Variants in SPOCK3 observed in about 807,000 individuals in gnomAD.
SPOCK3 encodes the protein SPARC (osteonectin), cwcv and kazal like domains proteoglycan 3.
A neutral mutation model predicts 56.6 loss-of-function variants in SPOCK3; 30 were observed. The ratio of observed to expected loss-of-function variants is 0.53; its 90% confidence interval spans 0.40 to 0.72. The LOEUF (loss-of-function observed/expected upper bound fraction) is 0.72, where lower values mean the gene tolerates loss of function less well. Among genes scored for constraint, SPOCK3 ranks in the 30% least tolerant of loss-of-function variants. The probability of loss-of-function intolerance (pLI) is 0.00; values close to 1 mark genes in which losing one functional copy is unlikely to be tolerated. For missense variants in SPOCK3, 527 were observed against 530.0 expected (o/e 0.99, Z 0.06); for synonymous variants, 196 against 183.3 (o/e 1.07, Z -0.56).
At chr4:167,216,558 G>A (rs184359129) in intron 2 of SPOCK3, among the ~76,000 whole-genome samples, 5 of 152,008 alleles carry the variant, frequency 3.3e-5, no homozygotes, top group African/African-American at 4.8e-5. Context: ...ATATGCAAGC[G>A]ATTTGATTGG....
chr4:167,061,953 T>C (rs1755653392), intron 3 of SPOCK3, among the ~76,000 whole-genome samples: 1 of 151,902 alleles, frequency 6.6e-6, no homozygotes. Flanking sequence ...TCCCTATTTC[T>C]TGTTTTCCTT....
intron 6 of SPOCK3, among the ~76,000 whole-genome samples, chr4:166,857,291 C>T (rs1224372742): frequency 6.6e-6 from 1 of 152,180 alleles, no homozygotes; most frequent in Non-Finnish European, 1.5e-5. Flanking sequence ...TATCACCGCC[C>T]AAGGCTCAGA....
intron 3 of SPOCK3, among the ~76,000 whole-genome samples, chr4:167,016,435 G>T (rs968318638): frequency 1.2e-4 from 18 of 151,902 alleles, no homozygotes; most frequent in African/African-American, 4.4e-4. Context: ...GTAAATTTCC[G>T]TTGCACAATT....
At chr4:166,888,537 T>C (rs910735965) in intron 6 of SPOCK3, among the ~76,000 whole-genome samples, 1 of 152,038 alleles carries the variant, frequency 6.6e-6, no homozygotes, top group Non-Finnish European at 1.5e-5. Flanking sequence ...ATAAATAATC[T>C]TAAGTCAAGT....
intron 4 of SPOCK3, among the ~76,000 whole-genome samples, chr4:166,921,439 CT>C (rs1738472356): frequency 6.6e-6 from 1 of 152,016 alleles, no homozygotes; most frequent in South Asian, 2.1e-4. Context: ...TTGCCTCAGC[CT>C]GCTGTAGCTG....
At chr4:167,041,641 C>A (rs572051597) in intron 3 of SPOCK3, among the ~76,000 whole-genome samples, 4 of 152,174 alleles carry the variant, frequency 2.6e-5, no homozygotes, top group East Asian at 1.9e-4. Flanking sequence ...TAACAAGGGG[C>A]AAAATCACTA....
At chr4:166,952,887 A>C (rs1742856464) in intron 4 of SPOCK3, among the ~76,000 whole-genome samples, 1 of 151,722 alleles carries the variant, frequency 6.6e-6, no homozygotes, top group Non-Finnish European at 1.5e-5. Flanking sequence ...CCATATGTAG[A>C]AGGCTGAAAC....
chr4:166,762,860 G>A (rs1420252192), intron 7 of SPOCK3, among the ~76,000 whole-genome samples: 1 of 152,044 alleles, frequency 6.6e-6, no homozygotes, highest in African/African-American at 2.4e-5. Flanking sequence ...GCACATAGGA[G>A]AAAGAATATG....
intron 7 of SPOCK3, among the ~76,000 whole-genome samples, chr4:166,779,155 A>AATCAATC (rs1394862686): frequency 6.6e-6 from 1 of 152,156 alleles, no homozygotes; most frequent in Admixed American, 6.6e-5. Flanking sequence ...TCATCTGTTA[A>AATCAATC]ATCAATCAAG....
At chr4:167,019,260 G>T (rs1370408690) in intron 3 of SPOCK3, among the ~76,000 whole-genome samples, 2 of 151,946 alleles carry the variant, frequency 1.3e-5, no homozygotes, top group African/African-American at 4.8e-5. Context: ...ATTGTTTGTG[G>T]CCTTTGAGGC....
chr4:167,119,030 G>A (rs1021763948), intron 2 of SPOCK3, among the ~76,000 whole-genome samples: 4 of 144,676 alleles, frequency 2.8e-5, no homozygotes, highest in Non-Finnish European at 6.0e-5. Flanking sequence ...AATCTGGGCC[G>A]AATCAAGAAG....
chr4:167,064,097 G>T (rs1256697511), intron 2 of SPOCK3, among the ~76,000 whole-genome samples: 1 of 151,594 alleles, frequency 6.6e-6, no homozygotes, highest in Non-Finnish European at 1.5e-5. Context: ...AGAAATAAAT[G>T]CAATCCTTTA....
intron 6 of SPOCK3, among the ~76,000 whole-genome samples, chr4:166,797,850 C>G (rs898124764): frequency 6.6e-6 from 1 of 152,034 alleles, no homozygotes; most frequent in South Asian, 2.1e-4. Context: ...ACAATATTTA[C>G]TTTTACACCT....
intron 6 of SPOCK3, among the ~76,000 whole-genome samples, chr4:166,861,564 G>T (rs1731248458): frequency 6.6e-6 from 1 of 152,054 alleles, no homozygotes; most frequent in Non-Finnish European, 1.5e-5. Flanking sequence ...AGATTAAAGT[G>T]AAATAAATTT....
rs150279381 is a variant in SPOCK3, at chr4:166,878,776, C to T, written c.589+10354G>A. On this transcript the variant is annotated intron_variant, in intron 6 of 10. Transcript: ENST00000357545. ...ACTGTAATTAGGAGGCAGCAATCAT[C>T]GCTTCAAAACCTTGCTTTGGTGCTT... is the stretch of plus-strand genomic sequence containing the variant. Among the ~76,000 whole-genome samples, 23 of 152,234 alleles carry T rather than the reference C, an allele frequency of 1.5e-4. No individual in the cohort carries two copies. The East Asian group carries it at 4.5e-3, about 30-fold the overall frequency.
intron 6 of SPOCK3, among the ~76,000 whole-genome samples, chr4:166,884,825 A>G (rs1734033056): frequency 6.6e-6 from 1 of 151,990 alleles, no homozygotes; most frequent in South Asian, 2.1e-4. Flanking sequence ...GGCTCTCCAC[A>G]GGATAACAAT....
chr4:166,910,592 C>T (rs1459285759), intron 5 of SPOCK3, among the ~76,000 whole-genome samples: 2 of 152,060 alleles, frequency 1.3e-5, no homozygotes, highest in East Asian at 3.9e-4. Flanking sequence ...CAAGTCTTAT[C>T]AAGTAGAATT....
intron 4 of SPOCK3, 48 bp downstream of exon 4, chr4:167,000,301 G>C: frequency 2.2e-6 from 2 of 901,594 alleles, no homozygotes; most frequent in Non-Finnish European, 3.5e-6. Context: ...AGTTATTCCT[G>C]GTAAGGAGCG....
At position 166,851,171 on chromosome 4, in the gene SPOCK3, A is replaced by T. The variant is rs1188368731; in HGVS notation, c.589+37959T>A. On this transcript the variant is annotated intron_variant, in intron 6 of 10. Coordinates refer to ENST00000357545, the MANE Select transcript of SPOCK3 (RefSeq NM_001040159.2). ...GTGGGTCCCTAACCCCTGACCCCCG[A>T]GCAGCCTAACTGGGAGGCACTCCCT... 5.9e-5 allele frequency among the ~76,000 whole-genome samples: 9 copies of T among 152,338 alleles called. No homozygotes were observed. The South Asian group carries it at 1.9e-3, about 32-fold the overall frequency.
Sources: gnomAD v4.1 joint callset for allele counts (sites outside exome capture counted in the v4.1 genomes callset) on GRCh38, gnomAD v4.1.1 for gene constraint, MANE v1.5 for transcripts, NCBI Gene and HGNC (gene_info 2026-07-23, HGNC 2026-07-21) for gene names.